LRMDA: variants seen among roughly 807,000 people sequenced by gnomAD.
LRMDA encodes the protein leucine-rich melanocyte differentiation-associated protein.
Under a neutral mutation model 29.8 loss-of-function variants are expected in LRMDA, and 18 were observed. That is an observed-to-expected ratio of 0.60 (90% CI 0.42 to 0.90). The LOEUF is 0.90. Ranked by LOEUF, LRMDA falls within the 40% of genes least tolerant of loss-of-function variation. The probability of loss-of-function intolerance (pLI) is 0.00; values close to 1 mark genes in which losing one functional copy is unlikely to be tolerated. For synonymous variants in LRMDA, 125 were observed against 109.4 expected, an observed-to-expected ratio of 1.14 and a Z score of -0.89; for missense variants, 273 against 273.9, an observed-to-expected ratio of 1.00 and a Z score of 0.02.
chr10:75,554,159 T>G (rs1184263163), intron 2 of LRMDA, among the ~76,000 whole-genome samples: 1 of 152,146 alleles, frequency 6.6e-6, no homozygotes, highest in Non-Finnish European at 1.5e-5. Context: ...GTTATGATTT[T>G]GTAGATTATC....
chr10:75,972,876 G>A (rs1352657235), intron 2 of LRMDA, among the ~76,000 whole-genome samples: 1 of 152,126 alleles, frequency 6.6e-6, no homozygotes, highest in Non-Finnish European at 1.5e-5. Context: ...GTGAGGGGCT[G>A]GGGCTGGGGC....
intron 2 of LRMDA, among the ~76,000 whole-genome samples, chr10:75,654,962 A>G (rs1397046413): frequency 6.6e-6 from 1 of 152,254 alleles, no homozygotes; most frequent in East Asian, 1.9e-4. Context: ...CTTTTGACTT[A>G]TTGCATAAAA....
At chr10:76,305,192 G>C (rs770243072) in intron 5 of LRMDA, among the ~76,000 whole-genome samples, 2 of 152,132 alleles carry the variant, frequency 1.3e-5, no homozygotes, top group African/African-American at 4.8e-5. Flanking sequence ...TTCTGTGGCC[G>C]TGTTTACCTT....
intron 2 of LRMDA, among the ~76,000 whole-genome samples, chr10:75,564,629 T>A (rs541407280): frequency 3.5e-3 from 540 of 152,362 alleles, no homozygotes; most frequent in Non-Finnish European, 3.7e-3. Context: ...TCTGCGTCGC[T>A]CACGCTGGGA....
At chr10:75,859,972 C>T (rs1012128173) in intron 2 of LRMDA, among the ~76,000 whole-genome samples, 2 of 152,034 alleles carry the variant, frequency 1.3e-5, no homozygotes, top group Non-Finnish European at 2.9e-5. Context: ...TGGATACATT[C>T]GACCCAACAC....
At chr10:75,513,054 T>A (rs907910548) in intron 2 of LRMDA, among the ~76,000 whole-genome samples, 3 of 152,166 alleles carry the variant, frequency 2.0e-5, no homozygotes, top group Non-Finnish European at 4.4e-5. Context: ...AACTGGAAAA[T>A]TAACAGAATT....
chr10:76,258,635 T>A (rs1839896469), intron 5 of LRMDA, among the ~76,000 whole-genome samples: 1 of 152,166 alleles, frequency 6.6e-6, no homozygotes, highest in Non-Finnish European at 1.5e-5. Flanking sequence ...CCCAGCCTCT[T>A]GTATCATCTC....
intron 2 of LRMDA, among the ~76,000 whole-genome samples, chr10:75,791,046 G>A (rs2132252175): frequency 6.6e-6 from 1 of 152,322 alleles, no homozygotes; most frequent in South Asian, 2.1e-4. Flanking sequence ...CCGAGCTATG[G>A]GGGCTAATTC....
chr10:76,402,336 C>T (rs1841857955), intron 6 of LRMDA: 1 of 152,062 alleles, frequency 6.6e-6, no homozygotes, highest in Non-Finnish European at 1.5e-5. Context: ...TAAGATGAAG[C>T]TGATCCTTTA....
rs147781478 is a variant in LRMDA, at chr10:76,371,285, C to T, written c.601+46800C>T. Among the ~76,000 whole-genome samples the T allele has an allele frequency of 2.1e-4, 32 of 152,290 alleles. 1 individual carries two copies. The East Asian group carries it at 6.0e-3, about 28-fold the overall frequency. ...CATGAAAATTCGAGGTAGTGGTTCTCTTTCTCCTTCTTGCAGTGGGGTTTT... is the reference window on the plus strand; with the variant it reads ...CATGAAAATTCGAGGTAGTGGTTCTTTTTCTCCTTCTTGCAGTGGGGTTTT... On this transcript the variant is annotated intron_variant, in intron 6 of 6. Coordinates refer to ENST00000611255, the MANE Select transcript of LRMDA (RefSeq NM_001305581.2).
intron 2 of LRMDA, among the ~76,000 whole-genome samples, chr10:75,720,665 A>G (rs1842555519): frequency 6.6e-6 from 1 of 152,202 alleles, no homozygotes; most frequent in Non-Finnish European, 1.5e-5. Flanking sequence ...GTCGGTGATT[A>G]AATATAGCAT....
At chr10:75,640,699 G>A (rs1841441554) in intron 2 of LRMDA, among the ~76,000 whole-genome samples, 2 of 152,200 alleles carry the variant, frequency 1.3e-5, no homozygotes, top group Non-Finnish European at 2.9e-5. Flanking sequence ...CTGTTGCAAG[G>A]TGAAAATGCT....
At chr10:76,267,769 C>T (rs1418791139) in intron 5 of LRMDA, among the ~76,000 whole-genome samples, 1 of 152,060 alleles carries the variant, frequency 6.6e-6, no homozygotes, top group East Asian at 1.9e-4. Flanking sequence ...TGTGAAATGT[C>T]TCATTTGACA....
At chr10:75,435,167 A>G (rs1844250139) in intron 1 of LRMDA, among the ~76,000 whole-genome samples, 1 of 152,262 alleles carries the variant, frequency 6.6e-6, no homozygotes, top group Non-Finnish European at 1.5e-5. Context: ...AAGTCAAGGT[A>G]ATTGACTAAA....
At chr10:76,088,129 C>T (rs879420133) in intron 5 of LRMDA, among the ~76,000 whole-genome samples, 2 of 152,130 alleles carry the variant, frequency 1.3e-5, no homozygotes, top group Non-Finnish European at 2.9e-5. Context: ...CTCACAGACA[C>T]ACAAAAAGAA....
intron 2 of LRMDA, among the ~76,000 whole-genome samples, chr10:75,972,911 T>C (rs1040711811): frequency 2.6e-5 from 4 of 152,210 alleles, no homozygotes; most frequent in African/African-American, 9.6e-5. Context: ...ATGTCACTTC[T>C]GCAAGTTCCA....
At chr10:76,201,443 G>A (rs556599237) in intron 5 of LRMDA, among the ~76,000 whole-genome samples, 2 of 152,288 alleles carry the variant, frequency 1.3e-5, no homozygotes, top group South Asian at 2.1e-4. Context: ...ATGATTTGTC[G>A]AATGTCACAT....
At position 76,086,285 on chromosome 10, in the gene LRMDA, G is replaced by A. The variant is rs376575720; in HGVS notation, c.516+27502G>A. On this transcript the variant is annotated intron_variant, in intron 5 of 6. Coordinates refer to ENST00000611255, the MANE Select transcript of LRMDA (RefSeq NM_001305581.2). ...CATACTTTCTGCCTTTCCTTCTCTG[G>A]GATTGTCTTACCTCTGGAAATCCTT... Among the ~76,000 whole-genome samples, 12 of 152,188 alleles carry A rather than the reference G, an allele frequency of 7.9e-5. No homozygotes were observed. The East Asian group carries it at 2.1e-3, about 27-fold the overall frequency.
intron 2 of LRMDA, among the ~76,000 whole-genome samples, chr10:75,840,069 T>A (rs1844512642): frequency 6.6e-6 from 1 of 152,160 alleles, no homozygotes; most frequent in African/African-American, 2.4e-5. Context: ...GGTAGACACT[T>A]TTTTTCCCTA....
Sources: allele counts gnomAD v4.1 joint callset (sites outside exome capture counted in the v4.1 genomes callset), GRCh38; gene constraint gnomAD v4.1.1; transcripts MANE v1.5; gene names NCBI Gene and HGNC (gene_info 2026-07-23, HGNC 2026-07-21).